The following VDR variants were observed in gnomAD, a reference collection of about 807,000 sequenced individuals.
VDR encodes the protein vitamin D receptor, also known as vitamin D3 receptor.
Under a neutral mutation model 39.7 loss-of-function variants are expected in VDR, and 19 were observed. The observed-to-expected ratio is 0.48, with a 90% CI of 0.33 to 0.70. The LOEUF (loss-of-function observed/expected upper bound fraction) is 0.70, where lower values mean the gene tolerates loss of function less well. VDR is among the 30% of genes least tolerant of loss of function. The pLI is 0.02. For missense variants in VDR, 442 were observed against 570.5 expected, an observed-to-expected ratio of 0.77 and a Z score of 2.29; for synonymous variants, 242 against 215.8, an observed-to-expected ratio of 1.12 and a Z score of -1.07.
chr12:47,893,460 A>C (rs1251591403), intron 1 of VDR, among the ~76,000 whole-genome samples: 2 of 152,194 alleles, frequency 1.3e-5, no homozygotes, highest in African/African-American at 4.8e-5. Flanking sequence ...AGCCTAGCTG[A>C]ATAGAAAAAA....
intron 1 of VDR, among the ~76,000 whole-genome samples, chr12:47,903,735 A>T (rs192766820): frequency 2.4e-4 from 36 of 152,266 alleles, no homozygotes; most frequent in Admixed American, 2.4e-3. Context: ...TAATGAGACC[A>T]CTAGGCAGAA....
chr12:47,847,359 A>G (rs1288744952), intron 7 of VDR, among the ~76,000 whole-genome samples: 1 of 128,294 alleles, frequency 7.8e-6, no homozygotes, highest in Admixed American at 7.5e-5. Flanking sequence ...GTGTCTCTCC[A>G]GTCTCTCATT....
At chr12:47,872,336 G>T (rs1467131229) in intron 3 of VDR, among the ~76,000 whole-genome samples, 3 of 152,202 alleles carry the variant, frequency 2.0e-5, no homozygotes, top group African/African-American at 7.2e-5. Flanking sequence ...CCTAAATAAA[G>T]GGAAAGAAGA....
intron 3 of VDR, among the ~76,000 whole-genome samples, chr12:47,871,332 T>TTCTTTCTTTC (rs1428894574): frequency 6.1e-5 from 9 of 146,344 alleles, no homozygotes; most frequent in African/African-American, 2.3e-4. Flanking sequence ...CTTTCTTTCT[T>TTCTTTCTTTC]TCTTTCTTTC....
At chr12:47,873,351 C>CTTTTTTTTTTTTTTTTTTTTTT (rs71077177) in intron 3 of VDR, among the ~76,000 whole-genome samples, 1 of 98,454 alleles carries the variant, frequency 1.0e-5, no homozygotes, top group Non-Finnish European at 2.0e-5. Flanking sequence ...AACCTGTTTT[C>CTTTTTTTTTTTTTTTTTTTTTT]TTTTTTTTTT....
rs564207503 is a variant in VDR at position 47,890,602 on chromosome 12, A to T, written c.-83-7828T>A. Among the ~76,000 whole-genome samples, 9 of 151,812 alleles carry T rather than the reference A, an allele frequency of 5.9e-5. No homozygotes were observed. The South Asian group carries it at 1.9e-3, about 32-fold the overall frequency. On this transcript the variant is annotated intron_variant, in intron 1 of 9. Transcript: ENST00000549336. ...CAGACAGGCTGTCTTGCTTCTCCTC[A>T]TTGGTTATGGCTTAGCACGGTTCCT...
chr12:47,890,773 T>G (rs1343861547), intron 1 of VDR, among the ~76,000 whole-genome samples: 3 of 151,626 alleles, frequency 2.0e-5, no homozygotes, highest in Non-Finnish European at 4.4e-5. Flanking sequence ...ATGAAGGGAG[T>G]GGGTGCAGGA....
chr12:47,878,824 T>C, intron 3 of VDR, 144 bp downstream of exon 3: 1 of 1,318,166 alleles, frequency 7.6e-7, no homozygotes, highest in Middle Eastern at 1.8e-4. Flanking sequence ...ACCAAGACCC[T>C]CCTGCTCCTG....
intron 1 of VDR, among the ~76,000 whole-genome samples, chr12:47,903,022 A>C (rs1170422405): frequency 6.6e-6 from 1 of 152,222 alleles, no homozygotes; most frequent in African/African-American, 2.4e-5. Context: ...GAAACCATAA[A>C]CACAAACTAT....
At chr12:47,847,499 C>T (rs1450049026) in intron 7 of VDR, among the ~76,000 whole-genome samples, 2 of 152,154 alleles carry the variant, frequency 1.3e-5, no homozygotes, top group East Asian at 1.9e-4. Context: ...CTCCCTTTCC[C>T]ATGGTAAACT....
intron 1 of VDR, 91 bp downstream of exon 1, chr12:47,904,864 G>T (rs1480356470): frequency 8.6e-6 from 3 of 349,490 alleles, no homozygotes; most frequent in Non-Finnish European, 1.6e-5. Context: ...TCTAATGCTC[G>T]CAGCCGGGCG....
intron 1 of VDR, among the ~76,000 whole-genome samples, chr12:47,884,032 C>G (rs925823335): frequency 6.6e-6 from 1 of 152,218 alleles, no homozygotes; most frequent in East Asian, 1.9e-4. Flanking sequence ...CCCTCCTTTG[C>G]CCCCTCTGCT....
At chr12:47,889,093 A>T (rs1012820120) in intron 1 of VDR, among the ~76,000 whole-genome samples, 1 of 152,092 alleles carries the variant, frequency 6.6e-6, no homozygotes, top group South Asian at 2.1e-4. Flanking sequence ...AAAACAAGAG[A>T]GGAGAAGTAT....
rs1945346594 is a variant in VDR, at chr12:47,849,659, T to C, written c.756-2851A>G. Among the ~76,000 whole-genome samples the C allele has an allele frequency of 2.6e-5, 4 of 152,230 alleles. No individual in the cohort carries two copies. The South Asian group carries it at 6.2e-4, about 24-fold the overall frequency. ...TCTCACCATCCTTGTCACTTTTCTC[T>C]AGATGCTCAATCCACATTTAAAACA... On this transcript the variant is annotated intron_variant, in intron 7 of 9. Transcript: ENST00000549336.
intron 1 of VDR, 40 bp from the exon 2 acceptor site, chr12:47,882,814 C>A: frequency 6.8e-7 from 1 of 1,473,422 alleles, no homozygotes; most frequent in Non-Finnish European, 9.2e-7. Context: ...TAAGGCGGAG[C>A]GCTGACCGCC....
chr12:47,871,292 C>CTT (rs754929705), intron 3 of VDR, among the ~76,000 whole-genome samples: 2,637 of 79,826 alleles, frequency 0.033, 128 homozygotes, highest in Middle Eastern at 0.06. Context: ...CTTTCTCTTT[C>CTT]TCTTTCTTTC....
chr12:47,895,428 G>A (rs1946446749), intron 1 of VDR, among the ~76,000 whole-genome samples: 1 of 152,232 alleles, frequency 6.6e-6, no homozygotes, highest in Non-Finnish European at 1.5e-5. Context: ...AGAAAGGAAA[G>A]GAGGGGAAGG....
chr12:47,855,173 TAAA>T (rs1311206231), intron 7 of VDR, among the ~76,000 whole-genome samples: 1 of 152,008 alleles, frequency 6.6e-6, no homozygotes, highest in Non-Finnish European at 1.5e-5. Context: ...ACTAAAATTA[TAAA>T]AATTAGCCGG....
chr12:47,881,506 A>T (rs900594675), intron 2 of VDR, among the ~76,000 whole-genome samples: 2 of 152,174 alleles, frequency 1.3e-5, no homozygotes, highest in Admixed American at 1.3e-4. Context: ...GAAAAAAAGA[A>T]CAAAGGAATG....
Sources: gnomAD v4.1 joint callset for allele counts (sites outside exome capture counted in the v4.1 genomes callset) on GRCh38, gnomAD v4.1.1 for gene constraint, MANE v1.5 for transcripts, NCBI Gene and HGNC (gene_info 2026-07-23, HGNC 2026-07-21) for gene names.